Variants in NLGN1 observed in about 807,000 individuals in gnomAD.
The protein encoded by NLGN1 is neuroligin-1.
In NLGN1, 12 loss-of-function variants were observed where a neutral mutation model predicts 65.5. The observed-to-expected ratio is 0.18, with a 90% CI of 0.12 to 0.30. The LOEUF is 0.30. Ranked by LOEUF, NLGN1 falls within the 10% of genes least tolerant of loss-of-function variation. The pLI, the probability that NLGN1 is intolerant of heterozygous loss-of-function variation, is 1.00. For missense variants in NLGN1, 750 were observed against 1,007.1 expected (o/e 0.74, Z 3.46); for synonymous variants, 350 against 359.5 (o/e 0.97, Z 0.30).
intron 4 of NLGN1, among the ~76,000 whole-genome samples, chr3:174,152,413 G>A (rs7612147): frequency 0.065 from 9,816 of 151,950 alleles, 379 homozygotes; most frequent in Middle Eastern, 0.11. Flanking sequence ...AACAAACACC[G>A]CATGTTCTCA....
At chr3:173,586,508 T>C (rs1747465205) in intron 2 of NLGN1, among the ~76,000 whole-genome samples, 1 of 152,342 alleles carries the variant, frequency 6.6e-6, no homozygotes, top group African/African-American at 2.4e-5. Context: ...GAAATCTAAT[T>C]TTGAAGCATG....
chr3:173,897,364 C>T (rs1736520151), intron 4 of NLGN1, among the ~76,000 whole-genome samples: 1 of 152,170 alleles, frequency 6.6e-6, no homozygotes, highest in South Asian at 2.1e-4. Context: ...TTGGTATCTT[C>T]CCTTGAAGAG....
At chr3:174,229,310 C>T (rs2152815261) in intron 4 of NLGN1, among the ~76,000 whole-genome samples, 1 of 152,020 alleles carries the variant, frequency 6.6e-6, no homozygotes, top group East Asian at 1.9e-4. Flanking sequence ...TGATCTTGTG[C>T]AAGTTTTTTT....
At chr3:173,916,027 G>A (rs1740662854) in intron 4 of NLGN1, among the ~76,000 whole-genome samples, 1 of 151,990 alleles carries the variant, frequency 6.6e-6, no homozygotes, top group South Asian at 2.1e-4. Flanking sequence ...ACTGCAGTGG[G>A]TTAACATGAG....
At chr3:173,897,415 A>G (rs1736533539) in intron 4 of NLGN1, among the ~76,000 whole-genome samples, 1 of 152,194 alleles carries the variant, frequency 6.6e-6, no homozygotes, top group Non-Finnish European at 1.5e-5. Flanking sequence ...GTTCCTATAA[A>G]TATATCATTC....
chr3:174,067,602 G>T lies in NLGN1; in HGVS notation c.647-207713G>T, dbSNP rs139952648. Among the ~76,000 whole-genome samples, 5 of 152,154 alleles carry T rather than the reference G, an allele frequency of 3.3e-5. No individual in the cohort carries two copies. The East Asian group carries it at 9.7e-4, about 29-fold the overall frequency. On this transcript the variant is annotated intron_variant, in intron 4 of 6. Transcript: ENST00000457714. ...TTTCTATGAAAATACTTGTCCTCAG[G>T]TCTCCTCTACTCTGATGGGCACAGG...
intron 3 of NLGN1, among the ~76,000 whole-genome samples, chr3:173,679,652 A>G (rs1763678267): frequency 6.6e-6 from 1 of 152,140 alleles, no homozygotes; most frequent in African/African-American, 2.4e-5. Flanking sequence ...AGGATGGAGT[A>G]GAGGGTGTTA....
chr3:173,964,356 T>C (rs1487120177), intron 4 of NLGN1, among the ~76,000 whole-genome samples: 1 of 152,154 alleles, frequency 6.6e-6, no homozygotes, highest in African/African-American at 2.4e-5. Context: ...GTCCTTAGGG[T>C]TATCTACTGC....
rs141808987 is a variant in NLGN1 at position 174,052,811 on chromosome 3, C to T, written c.647-222504C>T. The stretch of plus-strand genomic sequence containing the variant: ...ACTGGAAATTAGACAACAAAATTCA[C>T]TATCAGTAAATTTCCAAGAGGATTC... On this transcript the variant is annotated intron_variant, in intron 4 of 6. Transcript: ENST00000457714. Among the ~76,000 whole-genome samples the T allele has an allele frequency of 4.7e-4, 71 of 152,092 alleles. No individual in the cohort carries two copies. In the East Asian group the frequency reaches 0.013, roughly 28 times the overall value.
intron 3 of NLGN1, among the ~76,000 whole-genome samples, chr3:173,670,860 A>T (rs1762352618): frequency 6.6e-6 from 1 of 152,216 alleles, no homozygotes; most frequent in Non-Finnish European, 1.5e-5. Context: ...GCTAAAAGTT[A>T]AGCATCTATT....
At chr3:174,123,670 A>C (rs1038375645) in intron 4 of NLGN1, among the ~76,000 whole-genome samples, 1 of 152,054 alleles carries the variant, frequency 6.6e-6, no homozygotes, top group African/African-American at 2.4e-5. Context: ...ACACTGGTGA[A>C]TATCATAGCC....
intron 4 of NLGN1, among the ~76,000 whole-genome samples, chr3:174,274,660 TTGAG>T (rs1750182955): frequency 6.8e-6 from 1 of 146,158 alleles, no homozygotes; most frequent in Admixed American, 6.8e-5. Flanking sequence ...TCCTAATTAA[TTGAG>T]TAGCTCCCCT....
intron 4 of NLGN1, among the ~76,000 whole-genome samples, chr3:174,022,273 C>T (rs890761725): frequency 3.3e-5 from 5 of 152,106 alleles, no homozygotes; most frequent in Admixed American, 3.3e-4. Flanking sequence ...ACAGAGTTTG[C>T]TCTGGAACTG....
chr3:173,965,469 C>T (rs1714623233), intron 4 of NLGN1, among the ~76,000 whole-genome samples: 1 of 150,828 alleles, frequency 6.6e-6, no homozygotes, highest in South Asian at 2.1e-4. Context: ...AGGCGTGTGC[C>T]ACCAGGCCCG....
At chr3:173,566,339 A>G (rs1332608671) in intron 2 of NLGN1, among the ~76,000 whole-genome samples, 4 of 152,148 alleles carry the variant, frequency 2.6e-5, no homozygotes, top group Non-Finnish European at 5.9e-5. Context: ...CTCAACTTCA[A>G]CAGCATTCAG....
intron 4 of NLGN1, among the ~76,000 whole-genome samples, chr3:174,134,085 A>T (rs1361882591): frequency 6.6e-6 from 1 of 152,192 alleles, no homozygotes; most frequent in Admixed American, 6.6e-5. Context: ...TTGAAGGTGA[A>T]GGAAAAAGAC....
intron 4 of NLGN1, among the ~76,000 whole-genome samples, chr3:174,086,988 G>A (rs1162267838): frequency 6.6e-6 from 1 of 152,136 alleles, no homozygotes; most frequent in African/African-American, 2.4e-5. Flanking sequence ...CGTGGAGCTG[G>A]AGGCCATTAT....
intron 2 of NLGN1, among the ~76,000 whole-genome samples, chr3:173,446,514 C>T (rs889525247): frequency 9.2e-5 from 14 of 152,072 alleles, no homozygotes; most frequent in Admixed American, 5.9e-4. Context: ...TGAATAGTGC[C>T]GCAATAAACA....
intron 4 of NLGN1, among the ~76,000 whole-genome samples, chr3:174,075,218 A>G (rs1056536438): frequency 6.6e-6 from 1 of 152,174 alleles, no homozygotes; most frequent in Non-Finnish European, 1.5e-5. Context: ...ATAAATACAA[A>G]CAATCTCATT....
Sources: allele counts gnomAD v4.1 joint callset (sites outside exome capture counted in the v4.1 genomes callset), GRCh38; gene constraint gnomAD v4.1.1; transcripts MANE v1.5; gene names NCBI Gene and HGNC (gene_info 2026-07-23, HGNC 2026-07-21).